The following PDE10A variants were observed in gnomAD, a reference collection of about 807,000 sequenced individuals.
The protein encoded by PDE10A is cAMP and cAMP-inhibited cGMP 3',5'-cyclic phosphodiesterase 10A.
PDE10A carries 39 observed loss-of-function variants against 97.7 expected under a neutral mutation model. That is an observed-to-expected ratio of 0.40 (90% confidence interval 0.31 to 0.52). The LOEUF (loss-of-function observed/expected upper bound fraction) is 0.52. PDE10A is among the 20% of genes least tolerant of loss of function. PDE10A has a pLI of 0.56. For synonymous variants in PDE10A, 371 were observed against 376.8 expected, an observed-to-expected ratio of 0.98 and a Z score of 0.18; for missense variants, 731 against 1,047.8, an observed-to-expected ratio of 0.70 and a Z score of 4.17.
chr6:165,504,426 T>C (rs530977496), intron 2 of PDE10A, among the ~76,000 whole-genome samples: 1 of 152,320 alleles, frequency 6.6e-6, no homozygotes, highest in East Asian at 1.9e-4. Context: ...TTGAATATTC[T>C]TCATCTCCAG....
chr6:165,949,315 G>T (rs546613458), intron 1 of PDE10A: 1 of 152,296 alleles, frequency 6.6e-6, no homozygotes, highest in East Asian at 1.9e-4. Context: ...CTGGTTCTTC[G>T]ACTCTCTTGA....
At chr6:165,759,402 G>A (rs1230405904) in intron 1 of PDE10A, among the ~76,000 whole-genome samples, 1 of 152,110 alleles carries the variant, frequency 6.6e-6, no homozygotes, top group Non-Finnish European at 1.5e-5. Context: ...ACCAGTCCAG[G>A]CGAGGACCTG....
intron 1 of PDE10A, among the ~76,000 whole-genome samples, chr6:165,642,159 C>T (rs574796459): frequency 3.9e-5 from 6 of 152,286 alleles, no homozygotes; most frequent in Admixed American, 1.3e-4. Flanking sequence ...CACAAGCTGC[C>T]CCTCCGCCAG....
intron 13 of PDE10A, among the ~76,000 whole-genome samples, chr6:165,412,382 C>T (rs1583231037): frequency 6.6e-6 from 1 of 152,024 alleles, no homozygotes; most frequent in South Asian, 2.1e-4. Context: ...AATGATAAAA[C>T]AGTCAATATT....
chr6:165,845,421 G>A (rs139041472), intron 1 of PDE10A, among the ~76,000 whole-genome samples: 72 of 152,320 alleles, frequency 4.7e-4, no homozygotes, highest in African/African-American at 1.7e-3. Context: ...TGATGGCTGC[G>A]TTCATGCAAT....
At chr6:165,956,405 C>A (rs1306758904) in intron 1 of PDE10A, among the ~76,000 whole-genome samples, 1 of 152,166 alleles carries the variant, frequency 6.6e-6, no homozygotes, top group Non-Finnish European at 1.5e-5. Flanking sequence ...TGGTTTAATT[C>A]TTCCAAGTGG....
rs11420041 is a variant in PDE10A, at chr6:165,806,649, G to GCC, written c.-615+180878_-615+180879dup. Among the ~76,000 whole-genome samples, 495 of 150,242 alleles carry GCC rather than the reference G, an allele frequency of 3.3e-3. 3 individuals are homozygous for GCC. The highest frequency in any genetic ancestry group is 0.025 in the East Asian group (127 of 4,984). On this transcript the variant is annotated intron_variant, in intron 1 of 19. Transcript: ENST00000366882. ...GACATGCTGCATGGCTCTGCTGAGC[G>GCC]CCCCCCCCCAGGCTCTTCTTTAGAC...
chr6:165,818,554 T>A (rs1027586161), intron 1 of PDE10A, among the ~76,000 whole-genome samples: 1 of 152,252 alleles, frequency 6.6e-6, no homozygotes, highest in African/African-American at 2.4e-5. Context: ...AGCTGTGGTT[T>A]GCCCTTAGAT....
chr6:165,722,841 T>C (rs752448618), intron 1 of PDE10A, among the ~76,000 whole-genome samples: 23 of 152,002 alleles, frequency 1.5e-4, no homozygotes, highest in Non-Finnish European at 2.5e-4. Context: ...ATCCTACTGA[T>C]CTTATAAATC....
intron 1 of PDE10A, among the ~76,000 whole-genome samples, chr6:165,637,755 G>A (rs1019945769): frequency 6.6e-6 from 1 of 152,170 alleles, no homozygotes; most frequent in Non-Finnish European, 1.5e-5. Context: ...CAGGCGGGGC[G>A]CGTCCTCCCA....
At chr6:165,477,591 A>T (rs1266985537) in intron 3 of PDE10A, among the ~76,000 whole-genome samples, 1 of 152,208 alleles carries the variant, frequency 6.6e-6, no homozygotes, top group African/African-American at 2.4e-5. Flanking sequence ...TCAAAAGTGC[A>T]TTTGACACAA....
At chr6:165,550,353 T>G (rs1243101892) in intron 1 of PDE10A, among the ~76,000 whole-genome samples, 7 of 152,240 alleles carry the variant, frequency 4.6e-5, no homozygotes, top group Non-Finnish European at 7.3e-5. Flanking sequence ...TTGTAATTTC[T>G]TCTGTGTTTA....
At chr6:165,907,431 G>T (rs1403665333) in intron 1 of PDE10A, among the ~76,000 whole-genome samples, 1 of 152,248 alleles carries the variant, frequency 6.6e-6, no homozygotes, top group African/African-American at 2.4e-5. Flanking sequence ...GCTGGAACTG[G>T]ATTCAGGTGC....
At chr6:165,512,107 CTTA>C (rs1246072339) in intron 2 of PDE10A, among the ~76,000 whole-genome samples, 1 of 151,686 alleles carries the variant, frequency 6.6e-6, no homozygotes, top group Non-Finnish European at 1.5e-5. Context: ...TTTCTTTTCT[CTTA>C]TTGTTTGTCA....
intron 1 of PDE10A, chr6:165,894,493 G>C (rs1263836560): frequency 2.2e-6 from 1 of 455,944 alleles, no homozygotes; most frequent in Non-Finnish European, 4.4e-6. Context: ...TAGATTTATA[G>C]CCCTTCGTGT....
chr6:165,910,385 A>G (rs1278859861), intron 1 of PDE10A, among the ~76,000 whole-genome samples: 1 of 152,238 alleles, frequency 6.6e-6, no homozygotes, highest in Non-Finnish European at 1.5e-5. Flanking sequence ...CTCATCAGAT[A>G]GTCAAACCGC....
At chr6:165,426,904 T>G (rs1789201099) in intron 10 of PDE10A, among the ~76,000 whole-genome samples, 1 of 152,072 alleles carries the variant, frequency 6.6e-6, no homozygotes, top group South Asian at 2.1e-4. Flanking sequence ...AGAGAAATAC[T>G]AATCAAAACC....
At chr6:165,606,887 A>G (rs770103601) in intron 1 of PDE10A, among the ~76,000 whole-genome samples, 15 of 152,122 alleles carry the variant, frequency 9.9e-5, no homozygotes, top group African/African-American at 3.6e-4. Flanking sequence ...ATTACTAATC[A>G]TAAGAGGGGT....
chr6:165,597,383 G>C (rs1324534177), intron 1 of PDE10A, among the ~76,000 whole-genome samples: 2 of 152,136 alleles, frequency 1.3e-5, no homozygotes, highest in Non-Finnish European at 2.9e-5. Flanking sequence ...TGGAGAATTA[G>C]TCAAAAAGAT....
Sources: allele counts gnomAD v4.1 joint callset (sites outside exome capture counted in the v4.1 genomes callset), GRCh38; gene constraint gnomAD v4.1.1; transcripts MANE v1.5; gene names NCBI Gene and HGNC (gene_info 2026-07-23, HGNC 2026-07-21).